Variants in ADAMTSL3 observed in about 807,000 individuals in gnomAD.
ADAMTSL3 encodes ADAMTS like 3.
In ADAMTSL3, 128 loss-of-function variants were observed where a neutral mutation model predicts 201.7. The ratio of observed to expected loss-of-function variants is 0.63; its 90% CI spans 0.55 to 0.73. The LOEUF (loss-of-function observed/expected upper bound fraction) is 0.73, where lower values mean the gene tolerates loss of function less well. Ranked by LOEUF, ADAMTSL3 falls within the 30% of genes least tolerant of loss-of-function variation. The pLI is 0.00. For synonymous variants in ADAMTSL3, 738 were observed against 748.4 expected (o/e 0.99, Z 0.23); for missense variants, 1,990 against 2,119.6 (o/e 0.94, Z 1.20).
intron 3 of ADAMTSL3, among the ~76,000 whole-genome samples, chr15:83,764,407 A>G (rs927582243): frequency 1.3e-5 from 2 of 150,472 alleles, no homozygotes; most frequent in Non-Finnish European, 2.9e-5. Context: ...GCTCCACCCA[A>G]TGGGAAGCTG....
rs145985722 is a variant in ADAMTSL3, at chr15:83,710,047, A to G, written c.189+5539A>G. Among the ~76,000 whole-genome samples the G allele has an allele frequency of 3.5e-3, 530 of 152,316 alleles. 1 individual carries two copies. Among genetic ancestry groups the G allele is most frequent in the African/African-American group, 0.012 (498 of 41,574 alleles). ...AGTCTACTAGGCACCAAAAGGCAGG[A>G]AAAAAGGTTAATACCTTGGATTCCA... On this transcript the variant is annotated intron_variant, in intron 3 of 29. Coordinates refer to ENST00000286744, the MANE Select transcript of ADAMTSL3 (RefSeq NM_207517.3).
At chr15:83,714,785 T>TC (rs2061981620) in intron 3 of ADAMTSL3, among the ~76,000 whole-genome samples, 11 of 101,320 alleles carry the variant, frequency 1.1e-4, no homozygotes, top group African/African-American at 3.8e-4. Context: ...CTTTCTTTCT[T>TC]TTTCTTTCTC....
At chr15:83,872,530 C>T (rs2065100043) in intron 9 of ADAMTSL3, among the ~76,000 whole-genome samples, 1 of 151,650 alleles carries the variant, frequency 6.6e-6, no homozygotes, top group South Asian at 2.1e-4. Flanking sequence ...ATTGTTATGA[C>T]ATAAATTCTA....
At chr15:83,920,214 A>AT (rs1567236738) in intron 16 of ADAMTSL3, among the ~76,000 whole-genome samples, 1 of 152,202 alleles carries the variant, frequency 6.6e-6, no homozygotes, top group Non-Finnish European at 1.5e-5. Flanking sequence ...CATACTCCCA[A>AT]TAGAGATGTG....
chr15:83,808,678 C>A (rs777997013), intron 5 of ADAMTSL3, among the ~76,000 whole-genome samples: 1 of 152,110 alleles, frequency 6.6e-6, no homozygotes, highest in Non-Finnish European at 1.5e-5. Context: ...TCCTCACTCA[C>A]GTGTTTATTG....
intron 25 of ADAMTSL3, among the ~76,000 whole-genome samples, chr15:84,018,734 C>A (rs1168571254): frequency 1.3e-5 from 2 of 152,098 alleles, no homozygotes; most frequent in Admixed American, 6.6e-5. Context: ...AGGACCAAAT[C>A]ATTCAGAGCT....
chr15:83,741,912 A>G (rs2062461455), intron 3 of ADAMTSL3, among the ~76,000 whole-genome samples: 1 of 152,164 alleles, frequency 6.6e-6, no homozygotes, highest in Non-Finnish European at 1.5e-5. Flanking sequence ...GCAGTGAGCC[A>G]TGATCATGCC....
chr15:84,030,474 A>C (rs550327828), intron 27 of ADAMTSL3, among the ~76,000 whole-genome samples: 24 of 152,290 alleles, frequency 1.6e-4, no homozygotes, highest in African/African-American at 5.8e-4. Context: ...CTATAGTCCC[A>C]TTATTTTGGC....
At chr15:83,937,636 C>A (rs2066483845) in intron 17 of ADAMTSL3, among the ~76,000 whole-genome samples, 1 of 150,920 alleles carries the variant, frequency 6.6e-6, no homozygotes, top group African/African-American at 2.5e-5. Flanking sequence ...TATAACAAAT[C>A]TGCACATGTA....
intron 13 of ADAMTSL3, among the ~76,000 whole-genome samples, chr15:83,894,714 A>G (rs1335919271): frequency 6.6e-6 from 1 of 152,154 alleles, no homozygotes; most frequent in East Asian, 1.9e-4. Context: ...GAAAATATAT[A>G]TGATCATTGA....
chr15:83,918,761 G>A (rs981658820), intron 16 of ADAMTSL3, among the ~76,000 whole-genome samples: 1 of 152,186 alleles, frequency 6.6e-6, no homozygotes, highest in Non-Finnish European at 1.5e-5. Context: ...TAATTAAAGT[G>A]GGAGTTATGT....
chr15:84,030,583 G>A (rs2068389303), intron 27 of ADAMTSL3, among the ~76,000 whole-genome samples: 1 of 152,122 alleles, frequency 6.6e-6, no homozygotes, highest in Non-Finnish European at 1.5e-5. Flanking sequence ...AGGCTCATAG[G>A]CAGAAGAGAC....
intron 29 of ADAMTSL3, 73 bp from the exon 30 acceptor site, chr15:84,037,627 T>C: frequency 6.8e-7 from 1 of 1,466,994 alleles, no homozygotes; most frequent in Non-Finnish European, 9.1e-7. Flanking sequence ...TTATGGCTTT[T>C]CATAAAGTCA....
intron 3 of ADAMTSL3, among the ~76,000 whole-genome samples, chr15:83,744,142 G>A (rs758246949): frequency 3.3e-5 from 5 of 152,034 alleles, no homozygotes; most frequent in Admixed American, 6.6e-5. Flanking sequence ...GAGCCACTGC[G>A]CCCGGCCATA....
chr15:83,761,753 A>G (rs72746922), intron 3 of ADAMTSL3, among the ~76,000 whole-genome samples: 19,605 of 152,240 alleles, frequency 0.13, 1,645 homozygotes, highest in South Asian at 0.29. Flanking sequence ...ATGTTTAAGA[A>G]TTTATTTTTA....
At chr15:83,704,719 G>C (rs954933593) in intron 3 of ADAMTSL3, among the ~76,000 whole-genome samples, 1 of 152,130 alleles carries the variant, frequency 6.6e-6, no homozygotes, top group Non-Finnish European at 1.5e-5. Flanking sequence ...CTCTGCATTT[G>C]CATAAAAGTC....
At chr15:83,787,602 C>T (rs1257585980) in intron 4 of ADAMTSL3, among the ~76,000 whole-genome samples, 1 of 152,138 alleles carries the variant, frequency 6.6e-6, no homozygotes, top group Non-Finnish European at 1.5e-5. Flanking sequence ...ACAACAGCCT[C>T]TTGATTCCCT....
At chr15:83,727,302 G>C (rs2141593412) in intron 3 of ADAMTSL3, among the ~76,000 whole-genome samples, 2 of 151,584 alleles carry the variant, frequency 1.3e-5, no homozygotes, top group Middle Eastern at 3.4e-3. Flanking sequence ...GTCTGGCTAA[G>C]GGTTTGTTGA....
chr15:83,965,365 AAAAGC>A (rs1403534118), intron 19 of ADAMTSL3, among the ~76,000 whole-genome samples: 19 of 151,718 alleles, frequency 1.3e-4, no homozygotes, highest in African/African-American at 4.1e-4. Flanking sequence ...AAAAAAAAAA[AAAAGC>A]AGGGGTTGCA....
Sources: gnomAD v4.1 joint callset for allele counts (sites outside exome capture counted in the v4.1 genomes callset) on GRCh38, gnomAD v4.1.1 for gene constraint, MANE v1.5 for transcripts, NCBI Gene and HGNC (gene_info 2026-07-23, HGNC 2026-07-21) for gene names.